The following FBRSL1 variants were observed in gnomAD, a reference collection of about 807,000 sequenced individuals.
FBRSL1 encodes fibrosin like 1.
Under a neutral mutation model 89.6 loss-of-function variants are expected in FBRSL1, and 51 were observed. The ratio of observed to expected loss-of-function variants is 0.57; its 90% CI spans 0.45 to 0.72. The LOEUF (loss-of-function observed/expected upper bound fraction) is 0.72, where lower values mean the gene tolerates loss of function less well. Ranked by LOEUF, FBRSL1 falls within the 30% of genes least tolerant of loss-of-function variation. The pLI, the probability that FBRSL1 is intolerant of heterozygous loss-of-function variation, is 0.00. For synonymous variants in FBRSL1, 779 were observed against 681.1 expected, an observed-to-expected ratio of 1.14 and a Z score of -2.24; for missense variants, 1,618 against 1,451.8, an observed-to-expected ratio of 1.11 and a Z score of -1.86.
intron 2 of FBRSL1, among the ~76,000 whole-genome samples, chr12:132,516,098 A>G (rs2034817742): frequency 1.3e-5 from 2 of 152,162 alleles, no homozygotes; most frequent in South Asian, 4.1e-4. Context: ...AAATGGGGAC[A>G]ATTTTATTCC....
rs1189873354 is a variant in FBRSL1 at position 132,584,337 on chromosome 12, TTTTGG to T, written c.*564_*568del. 1.3e-5 allele frequency: 2 copies of T among 152,248 alleles called. No homozygotes were observed. The highest frequency in any genetic ancestry group is 4.8e-5 in the African/African-American group (2 of 41,464). 9.4% of individuals were successfully genotyped at this position (152,248 alleles called of 1,614,324 possible). On this transcript the variant is annotated 3_prime_UTR_variant, in exon 19 of 19. Coordinates refer to ENST00000680143, the MANE Select transcript of FBRSL1 (RefSeq NM_001367871.1). ...TTATTATGCAGAAGTGTAATTTCTT[TTTTGG>T]TTTGTTTTTTTAAAAGCAAACGAAA...
chr12:132,531,403 G>A lies in FBRSL1; in HGVS notation c.615+3415G>A, dbSNP rs369669268. Reference sequence around the variant, plus strand: ...TGTGCATGTGTGTATGTGTGTGTGCGTGCATGTGTGCATGTGCGTGTGGGC... The same window carrying A: ...TGTGCATGTGTGTATGTGTGTGTGCATGCATGTGTGCATGTGCGTGTGGGC... On this transcript the variant is annotated intron_variant, in intron 4 of 18. Transcript: ENST00000680143. Among the ~76,000 whole-genome samples the A allele has an allele frequency of 1.3e-4, 20 of 152,092 alleles. 1 individual carries two copies. The highest frequency in any genetic ancestry group is 2.4e-4 in the Non-Finnish European group (16 of 67,974).
At chr12:132,535,665 CG>C (rs2036649277) in intron 4 of FBRSL1, among the ~76,000 whole-genome samples, 1 of 152,240 alleles carries the variant, frequency 6.6e-6, no homozygotes, top group Non-Finnish European at 1.5e-5. Context: ...CTAGGCCCAG[CG>C]GGTGCAGGAA....
chr12:132,490,724 GCGCCCCCCCGAGGCGC>G lies in FBRSL1; in HGVS notation c.162_177del (p.Gly56ProfsTer42). 1.0e-6 allele frequency: 1 copy of G among 984,902 alleles called. No individual in the cohort carries two copies. Among genetic ancestry groups the G allele is most frequent in the Non-Finnish European group, 1.2e-6 (1 of 830,964 alleles). The allele number at this position is 984,902 out of a possible 1,614,324, so 61.0% of individuals were successfully genotyped here. On this transcript the variant is annotated frameshift_variant, in exon 1 of 19. Transcript: ENST00000680143. ...CAAGGAGAACGCGGGCCTCCGCGGC[GCGCCCCCCCGAGGCGC>G]CGCCCCCGCGCCCCGCACCGCGCGT...
chr12:132,574,210 C>T (rs894594086), intron 12 of FBRSL1, 52 bp downstream of exon 12: 20 of 1,435,052 alleles, frequency 1.4e-5, no homozygotes, highest in South Asian at 4.5e-5. Flanking sequence ...CTGCCCCGGC[C>T]GGGCCCTGTG....
chr12:132,521,949 A>T (rs1350056896), intron 2 of FBRSL1, among the ~76,000 whole-genome samples: 1 of 152,072 alleles, frequency 6.6e-6, no homozygotes, highest in Admixed American at 6.5e-5. Context: ...TGGGGCGATG[A>T]GTCCGTGTGC....
At chr12:132,578,619 C>T (rs2040541293) in intron 15 of FBRSL1, among the ~76,000 whole-genome samples, 2 of 152,214 alleles carry the variant, frequency 1.3e-5, no homozygotes, top group African/African-American at 2.4e-5. Context: ...CACAGGCACA[C>T]ACATGGGCAC....
chr12:132,580,756 C>G (rs773356549), intron 15 of FBRSL1: 6 of 985,214 alleles, frequency 6.1e-6, no homozygotes, highest in Non-Finnish European at 7.2e-6. Context: ...GGGAGGGAGT[C>G]GGAGTAACCT....
chr12:132,569,211 G>T (rs4883548), intron 6 of FBRSL1, among the ~76,000 whole-genome samples: 1 of 151,434 alleles, frequency 6.6e-6, no homozygotes, highest in Non-Finnish European at 1.5e-5. Flanking sequence ...TGGGGTGTGC[G>T]GGGGTGGGGG....
chr12:132,507,303 C>T (rs958549735), intron 1 of FBRSL1: 18 of 985,476 alleles, frequency 1.8e-5, no homozygotes, highest in African/African-American at 3.5e-5. Context: ...TCTCCCTGGC[C>T]GGCTGGCTCC....
At position 132,577,020 on chromosome 12, in the gene FBRSL1, G is replaced by A. The variant is rs948636922; in HGVS notation, c.1834+89G>A. 2.6e-5 allele frequency: 38 copies of A among 1,474,398 alleles called. No individual in the cohort carries two copies. In the African/African-American group the frequency reaches 2.8e-4, roughly 11 times the overall value. The allele number at this position is 1,474,398 out of a possible 1,614,324, so 91.3% of individuals were successfully genotyped here. A position where few individuals can be genotyped will look rare whatever the true frequency, so the allele number is the denominator to read the frequency against. ...GCCTTCCTGTGCCAGGAGTGAGAGC[G>A]CTCTCTGGACCGCAGCACCAGCCTT... On this transcript the variant is annotated intron_variant, in intron 15 of 18. Transcript: ENST00000680143.
At chr12:132,498,043 GC>G (rs1176644882) in intron 1 of FBRSL1, among the ~76,000 whole-genome samples, 1 of 152,160 alleles carries the variant, frequency 6.6e-6, no homozygotes, top group Non-Finnish European at 1.5e-5. Context: ...GAGCTGGGGG[GC>G]CCGTCACAGC....
At chr12:132,510,927 G>A (rs540157343) in intron 2 of FBRSL1, 37 of 996,916 alleles carry the variant, frequency 3.7e-5, no homozygotes, top group South Asian at 9.4e-5. Context: ...TGCGGAGCGC[G>A]TGAGCCTGGT....
intron 2 of FBRSL1, among the ~76,000 whole-genome samples, chr12:132,517,817 G>C (rs528690313): frequency 6.6e-6 from 1 of 151,974 alleles, no homozygotes; most frequent in African/African-American, 2.4e-5. Flanking sequence ...ACAAACTCGT[G>C]GGGGAGGCAG....
intron 5 of FBRSL1, among the ~76,000 whole-genome samples, chr12:132,557,126 C>T (rs1421292063): frequency 1.3e-5 from 2 of 152,188 alleles, no homozygotes. Flanking sequence ...GGGCCTCCAG[C>T]ACCTTCCCAT....
chr12:132,580,141 G>C (rs984178463), intron 15 of FBRSL1, among the ~76,000 whole-genome samples: 2 of 152,184 alleles, frequency 1.3e-5, no homozygotes, highest in African/African-American at 4.8e-5. Context: ...AGGCTGGAGT[G>C]CAGTGGTGCG....
intron 5 of FBRSL1, chr12:132,551,444 G>A (rs558688499): frequency 1.1e-4 from 48 of 456,302 alleles, no homozygotes; most frequent in African/African-American, 6.6e-4. Context: ...AGCGGATGCC[G>A]GGGCAGGTGG....
Position 132,490,424 on chromosome 12 carries a change from C to A in FBRSL1, c.-147C>A. The A allele has an allele frequency of 2.2e-6, 1 of 462,652 alleles. No individual in the cohort carries two copies. Among genetic ancestry groups the A allele is most frequent in the Non-Finnish European group, 2.8e-6 (1 of 359,878 alleles). 28.7% of individuals were successfully genotyped at this position (462,652 alleles called of 1,614,324 possible). On this transcript the variant is annotated 5_prime_UTR_variant, in exon 1 of 19. Transcript: ENST00000680143. ...CGCCCCCCGCGCCCGGCATGCCCGG[C>A]CCGGCCCGCCGCCCGCCGCCGCCCA...
chr12:132,574,014 C>A, intron 11 of FBRSL1, 76 bp from the exon 12 acceptor site: 1 of 1,056,654 alleles, frequency 9.5e-7, no homozygotes, highest in Non-Finnish European at 1.2e-6. Flanking sequence ...AGGCCCACGC[C>A]AGAACCAGGA....
Sources: allele counts gnomAD v4.1 joint callset (sites outside exome capture counted in the v4.1 genomes callset), GRCh38; gene constraint gnomAD v4.1.1; transcripts MANE v1.5; gene names NCBI Gene and HGNC (gene_info 2026-07-23, HGNC 2026-07-21).